The following GLIS3 variants were observed in gnomAD, a reference collection of about 807,000 sequenced individuals.
The protein encoded by GLIS3 is GLIS family zinc finger 3, also known as zinc finger protein GLIS3.
In GLIS3, 53 loss-of-function variants were observed where a neutral mutation model predicts 78.6. The ratio of observed to expected loss-of-function variants is 0.67; its 90% CI spans 0.54 to 0.85. The LOEUF (loss-of-function observed/expected upper bound fraction) is 0.85, where lower values mean the gene tolerates loss of function less well. Among genes scored for constraint, GLIS3 ranks in the 40% least tolerant of loss-of-function variants. The pLI, the probability that GLIS3 is intolerant of heterozygous loss-of-function variation, is 0.00. For missense variants in GLIS3, 1,703 were observed against 1,231.1 expected (o/e 1.38, Z -5.74); for synonymous variants, 684 against 509.9 (o/e 1.34, Z -4.60).
chr9:4,196,039 C>A (rs551545807), intron 2 of GLIS3, among the ~76,000 whole-genome samples: 100 of 151,922 alleles, frequency 6.6e-4, no homozygotes, highest in Non-Finnish European at 1.1e-3. Context: ...ACTTGGAGAA[C>A]TTTTATGTCT....
At chr9:4,242,324 A>C (rs980045351) in intron 2 of GLIS3, among the ~76,000 whole-genome samples, 7 of 152,136 alleles carry the variant, frequency 4.6e-5, no homozygotes, top group African/African-American at 1.7e-4. Flanking sequence ...CAATCTATAG[A>C]AAACCTGCCC....
At chr9:3,926,236 T>G (rs1563857052) in intron 6 of GLIS3, among the ~76,000 whole-genome samples, 1 of 149,030 alleles carries the variant, frequency 6.7e-6, no homozygotes, top group Non-Finnish European at 1.5e-5. Flanking sequence ...TTCTTTTGTT[T>G]TTTTTTTTTT....
chr9:4,212,197 A>G (rs1001732855), intron 2 of GLIS3, among the ~76,000 whole-genome samples: 3 of 152,204 alleles, frequency 2.0e-5, no homozygotes, highest in Non-Finnish European at 4.4e-5. Flanking sequence ...ATAAGAACAA[A>G]TAACAAGGGT....
chr9:3,937,794 T>A (rs1413823620), intron 4 of GLIS3, among the ~76,000 whole-genome samples: 1 of 152,164 alleles, frequency 6.6e-6, no homozygotes, highest in Non-Finnish European at 1.5e-5. Flanking sequence ...TGAGATAAAG[T>A]TTTTAACAGG....
chr9:4,157,521 A>T (rs573063882), intron 2 of GLIS3, among the ~76,000 whole-genome samples: 1 of 152,284 alleles, frequency 6.6e-6, no homozygotes, highest in Non-Finnish European at 1.5e-5. Context: ...AGTACCAGGG[A>T]ACGATCTATC....
chr9:4,482,855 T>A, the GLIS3 span, among the ~76,000 whole-genome samples: 3 of 152,274 alleles, frequency 2.0e-5, no homozygotes, highest in African/African-American at 4.8e-5. Context: ...AGCAACAGCA[T>A]ACTAGCAAAA....
the GLIS3 span, among the ~76,000 whole-genome samples, chr9:4,479,702 T>C: frequency 6.6e-6 from 1 of 152,054 alleles, no homozygotes; most frequent in Non-Finnish European, 1.5e-5. Flanking sequence ...GGTGTGGTTG[T>C]GGCTGCACCC....
chr9:4,039,151 G>A (rs1824581117), intron 4 of GLIS3, among the ~76,000 whole-genome samples: 2 of 152,142 alleles, frequency 1.3e-5, no homozygotes, highest in Admixed American at 1.3e-4. Flanking sequence ...ACCTAGGGTG[G>A]TTCCACACTC....
At chr9:4,090,271 C>G (rs1382782783) in intron 4 of GLIS3, among the ~76,000 whole-genome samples, 1 of 152,168 alleles carries the variant, frequency 6.6e-6, no homozygotes, top group Non-Finnish European at 1.5e-5. Flanking sequence ...TACAGCCCAA[C>G]AGATTCAAAC....
intron 2 of GLIS3, among the ~76,000 whole-genome samples, chr9:4,153,718 G>C (rs932356638): frequency 2.0e-4 from 31 of 152,216 alleles, no homozygotes; most frequent in African/African-American, 7.2e-4. Flanking sequence ...ATAAATGGTA[G>C]TGGGTCAACA....
chr9:4,469,685 A>G, the GLIS3 span, among the ~76,000 whole-genome samples: 9 of 152,238 alleles, frequency 5.9e-5, no homozygotes, highest in Non-Finnish European at 7.3e-5. Context: ...AGAAAGCAGG[A>G]AAGATCTAAA....
chr9:3,834,461 G>T (rs1818226917), intron 9 of GLIS3, among the ~76,000 whole-genome samples: 1 of 152,134 alleles, frequency 6.6e-6, no homozygotes, highest in Admixed American at 6.6e-5. Context: ...CTGAAGAACT[G>T]ACTTTTAAAT....
At position 3,853,026 on chromosome 9, in the gene GLIS3, TAGTG is replaced by T. The variant is rs976572809; in HGVS notation, c.2473+2979_2473+2982del. Among the ~76,000 whole-genome samples the T allele has an allele frequency of 8.9e-4, 135 of 152,146 alleles. 1 individual carries two copies. Among genetic ancestry groups the T allele is most frequent in the African/African-American group, 3.1e-3 (129 of 41,532 alleles). Reference sequence around the variant, plus strand: ...GAGTTCAAGACCAGCCTGGGCAACATAGTGAGACTCCATTTCTACAAAAACAATA... The same window carrying T: ...GAGTTCAAGACCAGCCTGGGCAACATAGACTCCATTTCTACAAAAACAATA... On this transcript the variant is annotated intron_variant, in intron 9 of 10. Coordinates refer to ENST00000381971, the MANE Select transcript of GLIS3 (RefSeq NM_001042413.2).
chr9:4,267,945 C>CTGTG (rs5896056), intron 2 of GLIS3, among the ~76,000 whole-genome samples: 1 of 122,684 alleles, frequency 8.2e-6, no homozygotes, highest in Admixed American at 8.3e-5. Context: ...ATAAAAATAC[C>CTGTG]TGTGTGTGTG....
intron 2 of GLIS3, among the ~76,000 whole-genome samples, chr9:4,194,684 C>G (rs2131233904): frequency 6.6e-6 from 1 of 152,316 alleles, no homozygotes; most frequent in East Asian, 1.9e-4. Flanking sequence ...GTGGCAGCAT[C>G]TCGCTGATAA....
At chr9:4,142,697 C>A (rs754176980) in intron 2 of GLIS3, among the ~76,000 whole-genome samples, 2 of 152,116 alleles carry the variant, frequency 1.3e-5, no homozygotes, top group Non-Finnish European at 2.9e-5. Flanking sequence ...TAGCACCTTA[C>A]AATGGGCAGA....
intron 2 of GLIS3, chr9:4,152,079 C>G: frequency 1.0e-6 from 1 of 955,550 alleles, no homozygotes; most frequent in Non-Finnish European, 1.2e-6. Context: ...AGACAACAAA[C>G]AAGTAACACA....
chr9:4,035,886 G>C (rs1824259009), intron 4 of GLIS3: 1 of 152,262 alleles, frequency 6.6e-6, no homozygotes. Context: ...CTTCACTCTT[G>C]CAGTCAAAAT....
chr9:4,232,285 G>A (rs1212778648), intron 2 of GLIS3, among the ~76,000 whole-genome samples: 1 of 151,274 alleles, frequency 6.6e-6, no homozygotes, highest in Non-Finnish European at 1.5e-5. Context: ...AGATGCCAAG[G>A]CAGGGGGATC....
Sources: allele counts gnomAD v4.1 joint callset (sites outside exome capture counted in the v4.1 genomes callset), GRCh38; gene constraint gnomAD v4.1.1; transcripts MANE v1.5; gene names NCBI Gene and HGNC (gene_info 2026-07-23, HGNC 2026-07-21).